The following CACNA1E variants were observed in gnomAD, a reference collection of about 807,000 sequenced individuals.
CACNA1E encodes voltage-dependent R-type calcium channel subunit alpha-1E.
Under a neutral mutation model 259.2 loss-of-function variants are expected in CACNA1E, and 40 were observed. That is an observed-to-expected ratio of 0.15 (90% CI 0.12 to 0.20). The LOEUF (loss-of-function observed/expected upper bound fraction) is 0.20. CACNA1E is among the 10% of genes least tolerant of loss of function. The pLI, the probability that CACNA1E is intolerant of heterozygous loss-of-function variation, is 1.00. For missense variants in CACNA1E, 1,874 were observed against 3,040.1 expected (o/e 0.62, Z 9.02); for synonymous variants, 1,104 against 1,138.5 (o/e 0.97, Z 0.61).
intron 43 of CACNA1E, among the ~76,000 whole-genome samples, chr1:181,786,819 G>T (rs147515015): frequency 8.0e-4 from 122 of 152,252 alleles, no homozygotes; most frequent in Non-Finnish European, 1.5e-3. Context: ...GACTTCTGTC[G>T]GAGTCATTTG....
At position 181,798,589 on chromosome 1, in the gene CACNA1E, T is replaced by A. The variant is rs556979471; in HGVS notation, c.6697T>A (p.Leu2233Met). 1 of 1,613,554 alleles carries A rather than the reference T, an allele frequency of 6.2e-7. No individual in the cohort carries two copies. The change falls in exon 48 of 48, where the codon TTG becomes ATG. Residue 2233 changes from leucine to methionine, a missense_variant. Leu to Met is a conservative substitution (Grantham distance 15, BLOSUM62 2). Around this residue, in one of 14 missense-constraint regions of CACNA1E, gnomAD observed 542 missense variants for 587.2 expected, o/e 0.92. Coordinates refer to ENST00000367573, the MANE Select transcript of CACNA1E (RefSeq NM_001205293.3). This position sits in a 1 kb window ranked among gnomAD's most constrained non-coding sequence, Gnocchi z 4.2. ...ACAGCGCTACATCTCCGAGCCCTAC[T>A]TGGCCCTGCACGAAGACTCCCACGC... ...SPQRYISEPY[L>M]ALHEDSHASD...
intron 7 of CACNA1E, among the ~76,000 whole-genome samples, chr1:181,655,201 T>TC (rs1659111994): frequency 6.6e-6 from 1 of 152,252 alleles, no homozygotes; most frequent in South Asian, 2.1e-4. Context: ...AGCAGGGTGA[T>TC]ATAAGGTAGG....
chr1:181,677,065 G>A (rs1455629999), intron 7 of CACNA1E, among the ~76,000 whole-genome samples: 3 of 152,116 alleles, frequency 2.0e-5, no homozygotes, highest in South Asian at 2.1e-4. Flanking sequence ...CTCCAGGAAC[G>A]TATCTTCTCT....
At chr1:181,751,428 A>T (rs553435683) in intron 26 of CACNA1E, among the ~76,000 whole-genome samples, 4 of 152,202 alleles carry the variant, frequency 2.6e-5, no homozygotes, top group Non-Finnish European at 4.4e-5. Flanking sequence ...GGTGCACACC[A>T]TCTGCAATGG....
intron 1 of CACNA1E, among the ~76,000 whole-genome samples, chr1:181,508,460 C>T (rs966036051): frequency 1.3e-5 from 2 of 152,244 alleles, no homozygotes; most frequent in African/African-American, 4.8e-5. Context: ...GCCACCATTG[C>T]TGCTGGGTTC....
At chr1:181,717,613 T>A (rs2253388) in intron 11 of CACNA1E, among the ~76,000 whole-genome samples, 4 of 151,888 alleles carry the variant, frequency 2.6e-5, no homozygotes, top group Admixed American at 6.5e-5. Context: ...ATTGAAATCC[T>A]GGGCAGGAAG....
intron 1 of CACNA1E, among the ~76,000 whole-genome samples, chr1:181,330,319 C>T (rs1308972572): frequency 3.3e-5 from 5 of 152,130 alleles, no homozygotes; most frequent in South Asian, 2.1e-4. Flanking sequence ...TGGCCACCTC[C>T]CCCCAGCCCC....
At chr1:181,396,811 C>G (rs1486792234) in intron 1 of CACNA1E, among the ~76,000 whole-genome samples, 1 of 152,214 alleles carries the variant, frequency 6.6e-6, no homozygotes, top group Non-Finnish European at 1.5e-5. Flanking sequence ...CAAGAGGTAT[C>G]AGATCTCAAG....
Position 181,384,226 on chromosome 1 carries a change from G to T in CACNA1E, c.-14-28907G>T, listed in dbSNP as rs189063904. On this transcript the variant is annotated intron_variant, in intron 1 of 11. Transcript: ENST00000524607. ...GAAATCAGTATGGTGTTAAGACACG[G>T]AGATGCGATATCTATGCCATAAAGT... is the stretch of plus-strand genomic sequence containing the variant. Among the ~76,000 whole-genome samples the T allele has an allele frequency of 1.2e-4, 19 of 152,262 alleles. 1 individual carries two copies. The highest frequency in any genetic ancestry group is 1.2e-3 in the Admixed American group (19 of 15,302).
At chr1:181,715,618 C>T (rs1489239627) in intron 9 of CACNA1E, among the ~76,000 whole-genome samples, 1 of 152,166 alleles carries the variant, frequency 6.6e-6, no homozygotes, top group Non-Finnish European at 1.5e-5. Context: ...TGCTTTGTTC[C>T]AGGGCATGTG....
chr1:181,605,125 A>C (rs1242760433), intron 6 of CACNA1E, among the ~76,000 whole-genome samples: 3 of 152,212 alleles, frequency 2.0e-5, no homozygotes, highest in Admixed American at 1.3e-4. Context: ...GAGTGTGTGC[A>C]TGCATGCTCA....
At chr1:181,396,612 A>T (rs1373370307) in intron 1 of CACNA1E, among the ~76,000 whole-genome samples, 4 of 152,254 alleles carry the variant, frequency 2.6e-5, no homozygotes, top group Non-Finnish European at 5.9e-5. Flanking sequence ...GAGAAACAAC[A>T]GTATGTTTGC....
At chr1:181,579,664 G>A (rs1651325341) in intron 5 of CACNA1E, among the ~76,000 whole-genome samples, 1 of 152,132 alleles carries the variant, frequency 6.6e-6, no homozygotes, top group African/African-American at 2.4e-5. Flanking sequence ...AAAAAAAAGT[G>A]CAACCTCTCT....
chr1:181,396,026 G>A (rs937510956), intron 1 of CACNA1E, among the ~76,000 whole-genome samples: 1 of 152,228 alleles, frequency 6.6e-6, no homozygotes, highest in East Asian at 1.9e-4. Flanking sequence ...TTGAAATTAA[G>A]TTGTTAGCTG....
intron 37 of CACNA1E, 99 bp downstream of exon 37, chr1:181,772,330 T>C: frequency 8.2e-7 from 1 of 1,222,452 alleles, no homozygotes; most frequent in Non-Finnish European, 1.2e-6. Context: ...AGTGTATGTT[T>C]GTGCCTCCCT....
At chr1:181,487,923 G>C (rs1010768303) in intron 1 of CACNA1E, among the ~76,000 whole-genome samples, 1 of 152,164 alleles carries the variant, frequency 6.6e-6, no homozygotes, top group Non-Finnish European at 1.5e-5. Flanking sequence ...TGCTTCGTGT[G>C]GAAATGAATA....
chr1:181,514,962 T>C (rs949968517), intron 3 of CACNA1E, among the ~76,000 whole-genome samples: 1 of 152,218 alleles, frequency 6.6e-6, no homozygotes, highest in Non-Finnish European at 1.5e-5. Context: ...AGCCTCATTT[T>C]ACAGATGAAG....
chr1:181,589,022 A>T (rs1256038731), intron 6 of CACNA1E, among the ~76,000 whole-genome samples: 1 of 152,230 alleles, frequency 6.6e-6, no homozygotes, highest in Non-Finnish European at 1.5e-5. Context: ...TCGAAGACTT[A>T]TGAGCAATTT....
chr1:181,513,283 G>A (rs1176160997), intron 3 of CACNA1E, among the ~76,000 whole-genome samples: 14 of 152,320 alleles, frequency 9.2e-5, no homozygotes, highest in Non-Finnish European at 2.9e-5. Context: ...GGCCTTCGAT[G>A]CTAAGCAAGC....
Sources: gnomAD v4.1 joint callset for allele counts (sites outside exome capture counted in the v4.1 genomes callset) on GRCh38, gnomAD v4.1.1 for gene constraint, gnomAD v4.1.1 regional missense constraint, Gnocchi (gnomAD v3.1) non-coding constraint, MANE v1.5 for transcripts, NCBI Gene and HGNC (gene_info 2026-07-23, HGNC 2026-07-21) for gene names.